The following DBX2 variants were observed in gnomAD, a reference collection of about 807,000 sequenced individuals.
The protein encoded by DBX2 is homeobox protein DBX2.
DBX2 carries 16 observed loss-of-function variants against 17.7 expected under a neutral mutation model. The observed-to-expected ratio is 0.90, with a 90% confidence interval of 0.61 to 1.37. The LOEUF is 1.37. Among genes scored for constraint, DBX2 ranks in the 40% most tolerant of loss-of-function variants. The pLI is 0.00. For missense variants in DBX2, 538 were observed against 433.8 expected (o/e 1.24, Z -2.13); for synonymous variants, 255 against 183.8 (o/e 1.39, Z -3.13).
Position 45,016,209 on chromosome 12 carries a change from G to T in DBX2, c.*77C>A. 6.9e-7 allele frequency: 1 copy of T among 1,453,252 alleles called. No individual in the cohort carries two copies. Among genetic ancestry groups the T allele is most frequent in the Non-Finnish European group, 9.2e-7 (1 of 1,085,880 alleles). 90.0% of individuals were successfully genotyped at this position (1,453,252 alleles called of 1,614,324 possible). On this transcript the variant is annotated 3_prime_UTR_variant, in exon 4 of 4. Transcript: ENST00000332700. The stretch of plus-strand genomic sequence containing the variant: ...TTGTTAGGCTCTAAGCACTGATGAG[G>T]TACAAGCTAGCTGGCATTAGAGTCC...
intron 1 of DBX2, among the ~76,000 whole-genome samples, chr12:45,037,722 A>T (rs1174006722): frequency 6.6e-6 from 1 of 152,132 alleles, no homozygotes; most frequent in Non-Finnish European, 1.5e-5. Flanking sequence ...TCTTTGAAGG[A>T]TGTATCAAAA....
At chr12:45,035,581 G>T (rs887699902) in intron 2 of DBX2, among the ~76,000 whole-genome samples, 9 of 152,108 alleles carry the variant, frequency 5.9e-5, no homozygotes, top group Admixed American at 3.3e-4. Context: ...CTCCTCTCAC[G>T]ATCTTGACAA....
At chr12:45,021,310 C>T (rs1946350485) in intron 3 of DBX2, among the ~76,000 whole-genome samples, 3 of 152,102 alleles carry the variant, frequency 2.0e-5, no homozygotes, top group East Asian at 1.9e-4. Flanking sequence ...AAACCATGTG[C>T]CTATGGATAA....
intron 2 of DBX2, among the ~76,000 whole-genome samples, chr12:45,025,901 T>C (rs908439674): frequency 5.3e-5 from 8 of 151,154 alleles, no homozygotes; most frequent in African/African-American, 1.7e-4. Flanking sequence ...GTTACTAGTA[T>C]GTCTGAAAGC....
chr12:45,049,660 G>GC (rs1243641874), intron 1 of DBX2, among the ~76,000 whole-genome samples: 1 of 110,862 alleles, frequency 9.0e-6, no homozygotes, highest in East Asian at 2.8e-4. Flanking sequence ...TAAGGACGCA[G>GC]CCAAAAAAAA....
intron 2 of DBX2, among the ~76,000 whole-genome samples, chr12:45,024,964 T>C (rs906503586): frequency 6.6e-6 from 1 of 152,248 alleles, no homozygotes; most frequent in Non-Finnish European, 1.5e-5. Context: ...AGCACAATAC[T>C]GGTTCCCATG....
At chr12:45,030,148 T>C (rs183737905) in intron 2 of DBX2, among the ~76,000 whole-genome samples, 17 of 152,250 alleles carry the variant, frequency 1.1e-4, no homozygotes, top group Admixed American at 9.8e-4. Context: ...AATCTAGTGA[T>C]CATCATCGCC....
rs905269768 is a variant in DBX2, at chr12:45,036,131, G to C, written c.404-17C>G. 3.2e-6 allele frequency: 5 copies of C among 1,584,828 alleles called. No homozygotes were observed. The highest frequency in any genetic ancestry group is 1.2e-5 in the South Asian group (1 of 86,056). On this transcript the variant is annotated splice_polypyrimidine_tract_variant and intron_variant, in intron 1 of 3. Coordinates refer to ENST00000332700, the MANE Select transcript of DBX2 (RefSeq NM_001004329.3). Reference sequence around the variant, plus strand: ...TGGAAGGTGCTGCAGAGAAAGCATTGATCTCATTGATTAGCCATTTCTTTA... The same window carrying C: ...TGGAAGGTGCTGCAGAGAAAGCATTCATCTCATTGATTAGCCATTTCTTTA...
intron 1 of DBX2, among the ~76,000 whole-genome samples, chr12:45,049,752 A>G (rs1470973303): frequency 1.3e-5 from 2 of 151,988 alleles, no homozygotes; most frequent in Non-Finnish European, 2.9e-5. Flanking sequence ...GAAGCCCTAC[A>G]TAATATTTGC....
At chr12:45,047,043 A>G (rs1041635255) in intron 1 of DBX2, among the ~76,000 whole-genome samples, 1 of 152,188 alleles carries the variant, frequency 6.6e-6, no homozygotes, top group Admixed American at 6.5e-5. Context: ...TAAAATAACA[A>G]ATGTTATTAA....
Position 45,050,881 on chromosome 12 carries a change from A to G in DBX2, c.47T>C (p.Val16Ala), listed in dbSNP as rs544127350. 5 of 1,525,590 alleles carry G rather than the reference A, an allele frequency of 3.3e-6. No individual in the cohort carries two copies. The highest frequency in any genetic ancestry group is 2.2e-5 in the Admixed American group (1 of 45,834). The allele number at this position is 1,525,590 out of a possible 1,614,324, so 94.5% of individuals were successfully genotyped here. A position where few individuals can be genotyped will look rare whatever the true frequency, so the allele number is the denominator to read the frequency against. The change falls in exon 1 of 4, where the codon GTT becomes GCT. Residue 16 changes from valine (V) to alanine (A), a missense_variant. Coordinates refer to ENST00000332700, the MANE Select transcript of DBX2 (RefSeq NM_001004329.3). ...VAAHAGAYWD[V>A]VASSALLNLP... The stretch of plus-strand genomic sequence containing the variant: ...GTTGAGGAGCGCGGAGGAAGCCACA[A>G]CGTCCCAGTACGCACCGGCGTGGGC...
intron 1 of DBX2, among the ~76,000 whole-genome samples, chr12:45,047,618 A>G (rs1049082499): frequency 1.3e-5 from 2 of 152,072 alleles, no homozygotes; most frequent in African/African-American, 4.8e-5. Flanking sequence ...TTTCAAATAT[A>G]TTTCATAACA....
chr12:45,015,204 G>C lies in DBX2; in HGVS notation c.*1082C>G, dbSNP rs988600767. On this transcript the variant is annotated 3_prime_UTR_variant, in exon 4 of 4. Coordinates refer to ENST00000332700, the MANE Select transcript of DBX2 (RefSeq NM_001004329.3). ...TAGTCAAAAAACACAAAACATCTGT[G>C]TGGTGTTTGTTAATACATAAAAATA... The C allele has an allele frequency of 6.6e-6, 1 of 152,186 alleles. No homozygotes were observed. Among genetic ancestry groups the C allele is most frequent in the African/African-American group, 2.4e-5 (1 of 41,442 alleles). The allele number at this position is 152,186 out of a possible 1,614,324, so 9.4% of individuals were successfully genotyped here.
At chr12:45,029,770 G>A (rs1946398996) in intron 2 of DBX2, among the ~76,000 whole-genome samples, 1 of 151,814 alleles carries the variant, frequency 6.6e-6, no homozygotes, top group African/African-American at 2.4e-5. Context: ...GGCTGAAGCA[G>A]GAATAAGTGC....
At chr12:45,031,611 G>A (rs985627411) in intron 2 of DBX2, among the ~76,000 whole-genome samples, 3 of 151,858 alleles carry the variant, frequency 2.0e-5, no homozygotes, top group East Asian at 1.9e-4. Flanking sequence ...CAGAGTCTTC[G>A]CTATTTTAAG....
chr12:45,016,351 C>A lies in DBX2; in HGVS notation c.955G>T (p.Gly319Cys), dbSNP rs149681179. 1.8e-4 allele frequency: 289 copies of A among 1,612,114 alleles called. No homozygotes were observed. The highest frequency in any genetic ancestry group is 1.9e-4 in the Non-Finnish European group (229 of 1,179,330). ...APPPEANSLQ[G>C]ALYLCSEEEA... ...TCTTCAGAACATAAATATAAGGCAC[C>A]TTGCAGTGAATTTGCTTCTGGGGGT... Residue 319 changes from glycine to cysteine, a missense_variant, in exon 4 of 4, where the codon GGT (glycine) becomes TGT (cysteine). Physicochemically the swap from Gly to Cys is radical, Grantham distance 159 (BLOSUM62 -3). Transcript: ENST00000332700.
chr12:45,024,531 T>TA (rs1946371084), intron 2 of DBX2, among the ~76,000 whole-genome samples: 1 of 152,236 alleles, frequency 6.6e-6, no homozygotes, highest in Non-Finnish European at 1.5e-5. Context: ...AAAGCCCCGA[T>TA]ACGGATTAAG....
intron 2 of DBX2, among the ~76,000 whole-genome samples, chr12:45,029,809 A>G (rs1232099239): frequency 6.6e-6 from 1 of 152,014 alleles, no homozygotes; most frequent in East Asian, 1.9e-4. Context: ...GGTTGTAGCA[A>G]GCCGAGATCA....
At chr12:45,038,645 T>A (rs1223763325) in intron 1 of DBX2, among the ~76,000 whole-genome samples, 1 of 139,876 alleles carries the variant, frequency 7.1e-6, no homozygotes, top group Non-Finnish European at 1.5e-5. Context: ...TAAAAATGGA[T>A]GGTTTACTTA....
Sources: gnomAD v4.1 joint callset for allele counts (sites outside exome capture counted in the v4.1 genomes callset) on GRCh38, gnomAD v4.1.1 for gene constraint, MANE v1.5 for transcripts, NCBI Gene and HGNC (gene_info 2026-07-23, HGNC 2026-07-21) for gene names.